Variants in KIAA0825 observed in about 807,000 individuals in gnomAD.
KIAA0825 encodes uncharacterized protein KIAA0825.
Under a neutral mutation model 147.6 loss-of-function variants are expected in KIAA0825, and 119 were observed. That is an observed-to-expected ratio of 0.81 (90% CI 0.69 to 0.94). The LOEUF is 0.94. Among genes scored for constraint, KIAA0825 ranks in the 40% least tolerant of loss-of-function variants. The pLI is 0.00. For synonymous variants in KIAA0825, 470 were observed against 518.1 expected (o/e 0.91, Z 1.26); for missense variants, 1,381 against 1,472.7 (o/e 0.94, Z 1.02).
At chr5:94,337,765 G>C (rs1781964542) in intron 20 of KIAA0825, among the ~76,000 whole-genome samples, 1 of 152,170 alleles carries the variant, frequency 6.6e-6, no homozygotes, top group South Asian at 2.1e-4. Flanking sequence ...CCTACAGTGA[G>C]TGAGGAATGA....
chr5:94,302,627 A>T (rs914183761), intron 20 of KIAA0825, among the ~76,000 whole-genome samples: 1 of 152,016 alleles, frequency 6.6e-6, no homozygotes, highest in Non-Finnish European at 1.5e-5. Flanking sequence ...TTTGCCTTGG[A>T]TTGTTCTTTA....
intron 20 of KIAA0825, among the ~76,000 whole-genome samples, chr5:94,282,275 C>G (rs1344365587): frequency 6.6e-6 from 1 of 151,976 alleles, no homozygotes; most frequent in African/African-American, 2.4e-5. Context: ...ATCAGTTCTC[C>G]CAACCAAAAT....
At chr5:94,195,293 A>G (rs1011162302) in intron 20 of KIAA0825, among the ~76,000 whole-genome samples, 1 of 152,274 alleles carries the variant, frequency 6.6e-6, no homozygotes, top group Non-Finnish European at 1.5e-5. Context: ...CTATAAGCCA[A>G]TCCAATAAAT....
rs114896698 is a variant in KIAA0825 at position 94,513,165 on chromosome 5, A to T, written c.970+7083T>A. 5.4e-3 allele frequency among the ~76,000 whole-genome samples: 818 copies of T among 152,168 alleles called. 9 individuals are homozygous for T. Among genetic ancestry groups the T allele is most frequent in the African/African-American group, 0.018 (752 of 41,544 alleles). On this transcript the variant is annotated intron_variant, in intron 5 of 20. Transcript: ENST00000682413. ...TCAGTGACTTTTTTCAATAATTTTC[A>T]TTTGGATCTTAAAATGTTACTTATA... is the stretch of plus-strand genomic sequence containing the variant.
At chr5:94,615,233 G>C (rs1198578563) in intron 1 of KIAA0825, among the ~76,000 whole-genome samples, 1 of 152,176 alleles carries the variant, frequency 6.6e-6, no homozygotes, top group African/African-American at 2.4e-5. Context: ...GCTATATTCA[G>C]ATAATACTTA....
intron 19 of KIAA0825, among the ~76,000 whole-genome samples, chr5:94,384,808 T>C (rs1200699832): frequency 6.6e-6 from 1 of 152,160 alleles, no homozygotes; most frequent in Non-Finnish European, 1.5e-5. Context: ...TCATACATCA[T>C]ATCAATTTAT....
At chr5:94,336,183 G>A (rs574947559) in intron 20 of KIAA0825, among the ~76,000 whole-genome samples, 63 of 152,006 alleles carry the variant, frequency 4.1e-4, no homozygotes, top group African/African-American at 1.5e-3. Flanking sequence ...CAGCCTAGCC[G>A]ACATGGTGAA....
At chr5:94,616,169 G>C (rs999215073) in intron 1 of KIAA0825, among the ~76,000 whole-genome samples, 8 of 152,026 alleles carry the variant, frequency 5.3e-5, no homozygotes, top group African/African-American at 1.9e-4. Flanking sequence ...TCTGCCTACG[G>C]GATCTGCCTA....
chr5:94,354,669 G>A (rs1784054725), intron 20 of KIAA0825, among the ~76,000 whole-genome samples: 1 of 152,124 alleles, frequency 6.6e-6, no homozygotes, highest in Admixed American at 6.5e-5. Flanking sequence ...CTTCATAAGG[G>A]ACATTGTCAA....
At chr5:94,582,855 C>T (rs1304498460) in intron 1 of KIAA0825, among the ~76,000 whole-genome samples, 3 of 151,936 alleles carry the variant, frequency 2.0e-5, no homozygotes, top group African/African-American at 4.8e-5. Context: ...TATATTTTCA[C>T]TAAAAATTGA....
chr5:94,419,830 T>A (rs1181042778), intron 14 of KIAA0825, among the ~76,000 whole-genome samples: 1 of 152,222 alleles, frequency 6.6e-6, no homozygotes, highest in Non-Finnish European at 1.5e-5. Context: ...AGTCCTGGTT[T>A]AGGTCTGTTG....
At chr5:94,410,800 C>T (rs187860396) in intron 15 of KIAA0825, among the ~76,000 whole-genome samples, 19 of 151,850 alleles carry the variant, frequency 1.3e-4, no homozygotes, top group Non-Finnish European at 2.2e-4. Flanking sequence ...CTTTTTGTCA[C>T]GCAATCAAAA....
chr5:94,383,787 CTGTGTG>C (rs6149118), intron 20 of KIAA0825, among the ~76,000 whole-genome samples: 7,046 of 145,412 alleles, frequency 0.048, 378 homozygotes, highest in African/African-American at 0.13. Flanking sequence ...TTATACTGCT[CTGTGTG>C]TGTGTGTGTG....
At chr5:94,347,325 C>A (rs968567210) in intron 20 of KIAA0825, among the ~76,000 whole-genome samples, 2 of 152,236 alleles carry the variant, frequency 1.3e-5, no homozygotes, top group Admixed American at 1.3e-4. Flanking sequence ...GAAAGTGCCA[C>A]CTCCTGGCAG....
At chr5:94,489,962 T>G (rs1490878733) in intron 5 of KIAA0825, among the ~76,000 whole-genome samples, 1 of 152,078 alleles carries the variant, frequency 6.6e-6, no homozygotes, top group Middle Eastern at 3.2e-3. Context: ...CTGCAGGCAT[T>G]GTTTTTATCC....
intron 20 of KIAA0825, among the ~76,000 whole-genome samples, chr5:94,155,596 G>A (rs1316482907): frequency 6.6e-6 from 1 of 152,150 alleles, no homozygotes; most frequent in African/African-American, 2.4e-5. Flanking sequence ...ATATATATGA[G>A]AGGAAGAAGG....
chr5:94,403,511 T>A (rs1048644894), intron 16 of KIAA0825, 58 bp downstream of exon 16: 1 of 1,287,446 alleles, frequency 7.8e-7, no homozygotes, highest in African/African-American at 1.5e-5. Context: ...CTTGATTACA[T>A]ACCCTAGAAA....
intron 20 of KIAA0825, among the ~76,000 whole-genome samples, chr5:94,362,000 C>T (rs952430848): frequency 6.6e-6 from 1 of 152,204 alleles, no homozygotes; most frequent in Non-Finnish European, 1.5e-5. Flanking sequence ...AGGTGCACCT[C>T]TCTTACTTGA....
intron 1 of KIAA0825, among the ~76,000 whole-genome samples, chr5:94,586,756 C>T (rs1249452172): frequency 5.3e-5 from 8 of 152,208 alleles, no homozygotes; most frequent in Admixed American, 2.0e-4. Context: ...GAATTTTAGA[C>T]CAATATCCCT....
Sources: gnomAD v4.1 joint callset for allele counts (sites outside exome capture counted in the v4.1 genomes callset) on GRCh38, gnomAD v4.1.1 for gene constraint, MANE v1.5 for transcripts, NCBI Gene and HGNC (gene_info 2026-07-23, HGNC 2026-07-21) for gene names.